DPP6: variants seen among roughly 807,000 people sequenced by gnomAD.
DPP6 encodes the protein A-type potassium channel modulatory protein DPP6.
Under a neutral mutation model 122.6 loss-of-function variants are expected in DPP6, and 69 were observed. The observed-to-expected ratio is 0.56, with a 90% confidence interval of 0.46 to 0.69. The LOEUF (loss-of-function observed/expected upper bound fraction) is 0.69, where lower values mean the gene tolerates loss of function less well. DPP6 is among the 30% of genes least tolerant of loss of function. DPP6 has a pLI of 0.00. For missense variants in DPP6, 928 were observed against 1,116.9 expected, an observed-to-expected ratio of 0.83 and a Z score of 2.41; for synonymous variants, 418 against 433.1, an observed-to-expected ratio of 0.97 and a Z score of 0.43.
chr7:154,390,403 G>A (rs149293049), intron 1 of DPP6, among the ~76,000 whole-genome samples: 9 of 152,100 alleles, frequency 5.9e-5, no homozygotes, highest in African/African-American at 1.7e-4. Context: ...GTGTTGGAGA[G>A]TTTGAGTTTT....
intron 1 of DPP6, among the ~76,000 whole-genome samples, chr7:154,167,385 C>T (rs1361619265): frequency 1.3e-5 from 2 of 152,192 alleles, no homozygotes; most frequent in Non-Finnish European, 2.9e-5. Flanking sequence ...AAATACAGAG[C>T]TATAGGTGCT....
chr7:154,053,711 C>T (rs1390985759), intron 1 of DPP6, among the ~76,000 whole-genome samples: 2 of 152,320 alleles, frequency 1.3e-5, no homozygotes, highest in African/African-American at 2.4e-5. Flanking sequence ...TGCTGAGAGC[C>T]CTCAGGCCGT....
intron 1 of DPP6, among the ~76,000 whole-genome samples, chr7:153,983,018 G>A (rs1370297411): frequency 4.6e-5 from 7 of 152,200 alleles, no homozygotes; most frequent in Admixed American, 1.3e-4. Context: ...CAGGAGGTAC[G>A]GGGGTGAGGG....
intron 1 of DPP6, among the ~76,000 whole-genome samples, chr7:154,077,548 G>A (rs1803648271): frequency 6.6e-6 from 1 of 152,148 alleles, no homozygotes; most frequent in Admixed American, 6.5e-5. Context: ...TACCCCAAAT[G>A]CCAGTGAAGT....
intron 4 of DPP6, among the ~76,000 whole-genome samples, chr7:154,552,168 G>C (rs1450040323): frequency 6.6e-6 from 1 of 152,150 alleles, no homozygotes; most frequent in African/African-American, 2.4e-5. Context: ...GTGTTGATTA[G>C]AGGCAGTGCA....
At chr7:153,955,749 A>G (rs1277057522) in intron 1 of DPP6, among the ~76,000 whole-genome samples, 1 of 152,032 alleles carries the variant, frequency 6.6e-6, no homozygotes, top group East Asian at 1.9e-4. Flanking sequence ...CGTTGTTGTT[A>G]TTTTAGAATT....
At chr7:154,510,125 A>C (rs566734469) in intron 3 of DPP6, among the ~76,000 whole-genome samples, 1 of 152,300 alleles carries the variant, frequency 6.6e-6, no homozygotes, top group African/African-American at 2.4e-5. Context: ...TAAAAATGAA[A>C]GGTAATATAT....
intron 1 of DPP6, among the ~76,000 whole-genome samples, chr7:154,194,247 A>G (rs1054332893): frequency 6.6e-6 from 1 of 152,238 alleles, no homozygotes. Context: ...GGTGCAAGGC[A>G]AAGAGACACA....
intron 16 of DPP6, among the ~76,000 whole-genome samples, chr7:154,846,180 A>G (rs1339571840): frequency 2.0e-5 from 3 of 150,252 alleles, no homozygotes; most frequent in Non-Finnish European, 4.4e-5. Context: ...GAGGTAAAAT[A>G]TACATATATA....
intron 8 of DPP6, among the ~76,000 whole-genome samples, chr7:154,753,208 C>T (rs905266596): frequency 1.3e-5 from 2 of 152,162 alleles, no homozygotes; most frequent in African/African-American, 2.4e-5. Flanking sequence ...GTTGCAAAAG[C>T]TATGAGGGAA....
At chr7:153,776,103 A>G in the DPP6 span, among the ~76,000 whole-genome samples, 66,084 of 151,866 alleles carry the variant, frequency 0.44, 14,739 homozygotes, top group South Asian at 0.54. Context: ...AACTAAAATA[A>G]CTACCCACAA....
At chr7:154,347,446 A>G (rs1810493411) in intron 1 of DPP6, among the ~76,000 whole-genome samples, 1 of 152,248 alleles carries the variant, frequency 6.6e-6, no homozygotes, top group African/African-American at 2.4e-5. Flanking sequence ...TCTGGCCATT[A>G]AAGCATAATC....
At chr7:154,633,512 A>G (rs889032794) in intron 5 of DPP6, among the ~76,000 whole-genome samples, 1 of 152,264 alleles carries the variant, frequency 6.6e-6, no homozygotes, top group Non-Finnish European at 1.5e-5. Flanking sequence ...CTGGGATTAC[A>G]GGCGTGAGCC....
chr7:153,810,054 G>A, the DPP6 span, among the ~76,000 whole-genome samples: 1 of 152,222 alleles, frequency 6.6e-6, no homozygotes, highest in African/African-American at 2.4e-5. Context: ...TGAGTCTTCA[G>A]GTCACTGTTT....
intron 2 of DPP6, among the ~76,000 whole-genome samples, chr7:154,472,939 T>C (rs545223873): frequency 2.0e-5 from 3 of 152,358 alleles, no homozygotes; most frequent in African/African-American, 4.8e-5. Flanking sequence ...AAAATACATG[T>C]ATAGAAAGAA....
chr7:154,273,192 T>C (rs1803907311), intron 1 of DPP6, among the ~76,000 whole-genome samples: 1 of 152,138 alleles, frequency 6.6e-6, no homozygotes, highest in Non-Finnish European at 1.5e-5. Context: ...TTCCCAATAA[T>C]GTAGAGAGCT....
chr7:154,060,657 A>C (rs1196647637), intron 1 of DPP6, among the ~76,000 whole-genome samples: 450 of 131,108 alleles, frequency 3.4e-3, no homozygotes, highest in South Asian at 5.9e-3. Context: ...ACCCCCCACG[A>C]GAGTGGCGAC....
intron 1 of DPP6, among the ~76,000 whole-genome samples, chr7:154,077,838 T>A (rs1207080817): frequency 6.6e-6 from 1 of 151,772 alleles, no homozygotes; most frequent in African/African-American, 2.4e-5. Context: ...GCCCAGCTAA[T>A]TTTTGTATTT....
the DPP6 span, among the ~76,000 whole-genome samples, chr7:153,808,440 T>C: frequency 2.1e-4 from 32 of 151,830 alleles, 1 homozygote; most frequent in Admixed American, 7.9e-4. Flanking sequence ...ACTGTGTGTG[T>C]GCGTGTGTGT....
Sources: gnomAD v4.1 joint callset for allele counts (sites outside exome capture counted in the v4.1 genomes callset) on GRCh38, gnomAD v4.1.1 for gene constraint, MANE v1.5 for transcripts, NCBI Gene and HGNC (gene_info 2026-07-23, HGNC 2026-07-21) for gene names.